The following KDM3A variants were observed in gnomAD, a reference collection of about 807,000 sequenced individuals.
KDM3A encodes lysine-specific demethylase 3A.
KDM3A carries 60 observed loss-of-function variants against 158.0 expected under a neutral mutation model. The ratio of observed to expected loss-of-function variants is 0.38; its 90% CI spans 0.31 to 0.47. KDM3A has a LOEUF of 0.47. KDM3A is among the 20% of genes least tolerant of loss of function. The pLI is 0.99. For missense variants in KDM3A, 1,319 were observed against 1,574.3 expected (o/e 0.84, Z 2.74); for synonymous variants, 608 against 549.3 (o/e 1.11, Z -1.49).
chr2:86,489,430 A>G lies in KDM3A; in HGVS notation c.3426A>G (p.Gln1142=), dbSNP rs370871158. 431 of 1,613,934 alleles carry G rather than the reference A, an allele frequency of 2.7e-4. 1 individual carries two copies. The highest frequency in any genetic ancestry group is 7.0e-4 in the Admixed American group (42 of 59,990). Residue 1142 remains glutamine, a synonymous_variant, in exon 22 of 26, where the codon CAA becomes CAG. Coordinates refer to ENST00000312912, the MANE Select transcript of KDM3A (RefSeq NM_018433.6). ...GAATTCCCAAAGGACAGTGTGAGCA[A>G]GAAGAAGGTAGGGTGCTGAGCATAA... ...YVGIPKGQCE[Q]EEEVLKTIQD...
At chr2:86,461,968 G>A (rs376882333) in intron 8 of KDM3A, among the ~76,000 whole-genome samples, 10 of 152,270 alleles carry the variant, frequency 6.6e-5, no homozygotes, top group East Asian at 1.9e-4. Flanking sequence ...GTGGACTGCC[G>A]TGATCTTATT....
At chr2:86,453,805 A>ACT (rs1481890779) in intron 4 of KDM3A, among the ~76,000 whole-genome samples, 3 of 152,188 alleles carry the variant, frequency 2.0e-5, no homozygotes, top group African/African-American at 7.2e-5. Flanking sequence ...TCTCTAACAG[A>ACT]CTAGTTATCC....
Position 86,474,914 on chromosome 2 carries a change from C to T in KDM3A, c.1863C>T (p.Ile621=). 6.2e-7 allele frequency: 1 copy of T among 1,614,072 alleles called. No individual in the cohort carries two copies. The change falls in exon 12 of 26, where the codon ATC becomes ATT. Residue 621 remains isoleucine, a synonymous_variant. Transcript: ENST00000312912. ...TTGATTTGGACACAGCAAAGTACAT[C>T]TTGGCCAACATTGGAGACCACTTCT... The part of the protein sequence containing the change: ...VGIDLDTAKY[I]LANIGDHFCQ...
At chr2:86,478,856 AAG>A (rs962384956) in intron 15 of KDM3A, 121 bp downstream of exon 15, 13 of 904,198 alleles carry the variant, frequency 1.4e-5, no homozygotes, top group Non-Finnish European at 1.9e-5. Context: ...ATCAAGTGGA[AAG>A]AGAGAGAGAA....
intron 8 of KDM3A, among the ~76,000 whole-genome samples, chr2:86,460,126 ACTCT>A (rs1231801506): frequency 6.6e-6 from 1 of 151,982 alleles, no homozygotes; most frequent in Non-Finnish European, 1.5e-5. Context: ...CTTCTCAGAG[ACTCT>A]CTGTTTACAT....
intron 12 of KDM3A, among the ~76,000 whole-genome samples, chr2:86,476,235 CTG>C (rs1379682989): frequency 5.9e-5 from 9 of 152,190 alleles, no homozygotes; most frequent in Non-Finnish European, 1.0e-4. Context: ...ACATACATGA[CTG>C]CAATGTGGAA....
At chr2:86,439,481 T>C (rs913904401), upstream of KDM3A, among the ~76,000 whole-genome samples, 1 of 152,094 alleles carries the variant, frequency 6.6e-6, no homozygotes, top group South Asian at 2.1e-4. Flanking sequence ...ATAAAATGCA[T>C]TGGATATCTT....
Position 86,470,202 on chromosome 2 carries a change from A to G in KDM3A, c.1520-2A>G. On this transcript the variant is annotated splice_acceptor_variant, in intron 10 of 25. Coordinates refer to ENST00000312912, the MANE Select transcript of KDM3A (RefSeq NM_018433.6). LOFTEE classifies it high-confidence loss of function. ...TGTCTCCTTAATCTTTTGTTTTCCT[A>G]GCCCCATCCAGGAAGTCGGTTTTGA... 6.2e-7 allele frequency: 1 copy of G among 1,613,586 alleles called. No homozygotes were observed. The highest frequency in any genetic ancestry group is 8.5e-7 in the Non-Finnish European group (1 of 1,179,712).
chr2:86,458,406 G>C (rs1247198250), intron 8 of KDM3A, among the ~76,000 whole-genome samples: 2 of 152,204 alleles, frequency 1.3e-5, no homozygotes, highest in Admixed American at 1.3e-4. Flanking sequence ...GAAGAGTTAA[G>C]TATGGAAATT....
intron 4 of KDM3A, 24 bp from the exon 5 acceptor site, chr2:86,455,061 A>G (rs1487185897): frequency 2.2e-6 from 3 of 1,338,210 alleles, no homozygotes; most frequent in Non-Finnish European, 3.2e-6. Context: ...TACCCTTAAC[A>G]TGTAATGATC....
chr2:86,472,253 A>G (rs753539741), intron 11 of KDM3A, among the ~76,000 whole-genome samples: 5 of 152,060 alleles, frequency 3.3e-5, no homozygotes, highest in Non-Finnish European at 5.9e-5. Flanking sequence ...ACTTCTTTAA[A>G]GGGGAAAGTA....
chr2:86,486,831 A>T (rs1174377470), intron 21 of KDM3A: 1 of 152,320 alleles, frequency 6.6e-6, no homozygotes, highest in East Asian at 1.9e-4. Context: ...GACTGTTGTG[A>T]CAGGGGAGTG....
chr2:86,489,730 C>CTG, intron 23 of KDM3A, 71 bp downstream of exon 23: 1 of 1,502,548 alleles, frequency 6.7e-7, no homozygotes, highest in East Asian at 2.3e-5. Context: ...ATGTGGTGAA[C>CTG]TGACTGGCTT....
rs1164398741 is a variant in KDM3A at position 86,490,732 on chromosome 2, T to TGATACTACTAGTCGTCTTC, written c.3574-148_3574-130dup. ...TGTTGGTTCATTCAGCTGAAGTCTT[T>TGATACTACTAGTCGTCTTC]GATACTACTAGTCGTCTTCTGCCAA... is the stretch of plus-strand genomic sequence containing the variant. On this transcript the variant is annotated intron_variant, in intron 23 of 25. Transcript: ENST00000312912. 27 of 576,410 alleles carry TGATACTACTAGTCGTCTTC rather than the reference T, an allele frequency of 4.7e-5. No homozygotes were observed. The Middle Eastern group carries it at 3.2e-3, about 69-fold the overall frequency. 35.7% of individuals were successfully genotyped at this position (576,410 alleles called of 1,614,324 possible). A position where few individuals can be genotyped will look rare whatever the true frequency, so the allele number is the denominator to read the frequency against.
intron 15 of KDM3A, 141 bp downstream of exon 15, chr2:86,478,876 A>T (rs1160076046): frequency 2.6e-6 from 2 of 771,616 alleles, no homozygotes; most frequent in Non-Finnish European, 4.1e-6. Context: ...GAAAGAATTC[A>T]TACAGTTCAT....
chr2:86,461,304 C>G (rs575046826), intron 8 of KDM3A, among the ~76,000 whole-genome samples: 1 of 152,290 alleles, frequency 6.6e-6, no homozygotes, highest in African/African-American at 2.4e-5. Context: ...TCCCTCTGTT[C>G]CTCCATCCCT....
intron 9 of KDM3A, among the ~76,000 whole-genome samples, chr2:86,465,060 T>A (rs557723245): frequency 1.3e-5 from 2 of 152,336 alleles, no homozygotes; most frequent in East Asian, 3.9e-4. Flanking sequence ...ATTTTTCATC[T>A]GAGTGTTTAA....
At chr2:86,484,783 A>G in intron 19 of KDM3A, 159 bp from the exon 20 acceptor site, 2 of 533,562 alleles carry the variant, frequency 3.7e-6, no homozygotes, top group South Asian at 2.9e-5. Flanking sequence ...GGGGAAAATT[A>G]AGGAAAAGTA....
At position 86,482,050 on chromosome 2, in the gene KDM3A, GCAA is replaced by G. The variant is rs745709090; in HGVS notation, c.2640_2642del (p.Asn881del). 258 of 1,614,156 alleles carry G rather than the reference GCAA, an allele frequency of 1.6e-4. 2 individuals are homozygous for G. The Admixed American group carries it at 4.2e-3, about 26-fold the overall frequency. On this transcript the variant is annotated inframe_deletion, in exon 17 of 26. Coordinates refer to ENST00000312912, the MANE Select transcript of KDM3A (RefSeq NM_018433.6). Reference sequence around the variant, plus strand: ...AACAGCACAATTTTGACACCCGTAAGCAACAACAATTCTGGTTTCCTCCGGAAT... The same window carrying G: ...AACAGCACAATTTTGACACCCGTAAGCAACAATTCTGGTTTCCTCCGGAAT...
Sources: allele counts gnomAD v4.1 joint callset (sites outside exome capture counted in the v4.1 genomes callset), GRCh38; gene constraint gnomAD v4.1.1; transcripts MANE v1.5; gene names NCBI Gene and HGNC (gene_info 2026-07-23, HGNC 2026-07-21).